The following SGCZ variants were observed in gnomAD, a reference collection of about 807,000 sequenced individuals.
The protein encoded by SGCZ is sarcoglycan zeta.
Under a neutral mutation model 41.3 loss-of-function variants are expected in SGCZ, and 40 were observed. The observed-to-expected ratio is 0.97, with a 90% CI of 0.75 to 1.26. The LOEUF (loss-of-function observed/expected upper bound fraction) is 1.26. SGCZ is among the 50% of genes most tolerant of loss of function. SGCZ has a pLI of 0.00. For missense variants in SGCZ, 552 were observed against 369.8 expected (o/e 1.49, Z -4.04); for synonymous variants, 206 against 137.5 (o/e 1.50, Z -3.49).
At chr8:15,194,440 C>G (rs192375089) in intron 1 of SGCZ, among the ~76,000 whole-genome samples, 1 of 152,090 alleles carries the variant, frequency 6.6e-6, no homozygotes, top group African/African-American at 2.4e-5. Flanking sequence ...GCCATGATGC[C>G]TATGTCTTAA....
chr8:14,484,637 C>T (rs1441730352), intron 2 of SGCZ, among the ~76,000 whole-genome samples: 1 of 152,000 alleles, frequency 6.6e-6, no homozygotes, highest in East Asian at 1.9e-4. Context: ...AAGAAATATA[C>T]ATTTTTTAGG....
intron 1 of SGCZ, among the ~76,000 whole-genome samples, chr8:15,150,738 T>C (rs1041896641): frequency 6.6e-6 from 1 of 152,238 alleles, no homozygotes; most frequent in African/African-American, 2.4e-5. Context: ...GGCATAACTA[T>C]ACTTCCTGCT....
chr8:14,618,778 A>T (rs1245864451), intron 1 of SGCZ, among the ~76,000 whole-genome samples: 1 of 152,188 alleles, frequency 6.6e-6, no homozygotes, highest in Admixed American at 6.6e-5. Flanking sequence ...TGAAATGAAC[A>T]GAGTATATGT....
intron 1 of SGCZ, among the ~76,000 whole-genome samples, chr8:15,202,002 A>G (rs1038616695): frequency 3.3e-5 from 5 of 152,206 alleles, no homozygotes; most frequent in Non-Finnish European, 7.3e-5. Flanking sequence ...TAAAAGAATT[A>G]GGGATGCTTT....
chr8:14,447,583 A>G (rs950216447), intron 2 of SGCZ, among the ~76,000 whole-genome samples: 6 of 152,086 alleles, frequency 3.9e-5, no homozygotes, highest in Admixed American at 6.6e-5. Context: ...CAACATTACA[A>G]CTCTTACGCT....
At chr8:14,372,244 CAG>C (rs1803939573) in intron 2 of SGCZ, among the ~76,000 whole-genome samples, 1 of 152,130 alleles carries the variant, frequency 6.6e-6, no homozygotes, top group Non-Finnish European at 1.5e-5. Flanking sequence ...ATTTGCGAAA[CAG>C]AAGTCTCTTA....
chr8:14,146,466 G>T (rs1268238839), intron 5 of SGCZ, among the ~76,000 whole-genome samples: 4 of 152,012 alleles, frequency 2.6e-5, no homozygotes, highest in Non-Finnish European at 4.4e-5. Context: ...CAAAGAAAAG[G>T]ACATTAATTA....
chr8:14,665,740 A>G (rs951397012), intron 1 of SGCZ, among the ~76,000 whole-genome samples: 3 of 152,184 alleles, frequency 2.0e-5, no homozygotes, highest in Admixed American at 6.5e-5. Context: ...AAGAAGATGC[A>G]TCTATATTTT....
intron 2 of SGCZ, among the ~76,000 whole-genome samples, chr8:14,420,835 G>T: frequency 6.6e-6 from 1 of 151,868 alleles, no homozygotes; most frequent in African/African-American, 2.4e-5. Flanking sequence ...AAAATATTTT[G>T]GTACTTCATT....
chr8:14,987,803 T>C (rs1801875402), intron 1 of SGCZ, among the ~76,000 whole-genome samples: 1 of 152,014 alleles, frequency 6.6e-6, no homozygotes, highest in Admixed American at 6.6e-5. Context: ...AGGTAATTAA[T>C]TTTTCAGGCA....
intron 4 of SGCZ, among the ~76,000 whole-genome samples, chr8:14,187,590 G>C (rs1804946646): frequency 6.6e-6 from 1 of 151,718 alleles, no homozygotes; most frequent in Non-Finnish European, 1.5e-5. Context: ...AATCACTAAA[G>C]TGTTCCACAG....
chr8:15,179,765 T>G (rs1800110247), intron 1 of SGCZ, among the ~76,000 whole-genome samples: 1 of 152,040 alleles, frequency 6.6e-6, no homozygotes, highest in African/African-American at 2.4e-5. Context: ...TAACAAGACA[T>G]TAGGAAATAG....
At chr8:15,112,577 T>C (rs1807109351) in intron 1 of SGCZ, among the ~76,000 whole-genome samples, 1 of 152,238 alleles carries the variant, frequency 6.6e-6, no homozygotes, top group Non-Finnish European at 1.5e-5. Flanking sequence ...TGTGTCCGTT[T>C]CTGGGCCCAG....
chr8:14,351,311 A>C lies in SGCZ; in HGVS notation c.235-27107T>G, dbSNP rs1416923826. Among the ~76,000 whole-genome samples the C allele has an allele frequency of 2.6e-5, 4 of 152,044 alleles. No individual in the cohort carries two copies. In the East Asian group the frequency reaches 7.7e-4, roughly 29 times the overall value. ...GTAAATTATTATTTTACTCCTTTGC[A>C]TTAACTGTTAGAAAATTAATGACAA... is the stretch of plus-strand genomic sequence containing the variant. On this transcript the variant is annotated intron_variant, in intron 2 of 7. Coordinates refer to ENST00000382080, the MANE Select transcript of SGCZ (RefSeq NM_139167.4).
At chr8:15,217,331 G>C (rs1801438138) in intron 1 of SGCZ, among the ~76,000 whole-genome samples, 1 of 151,102 alleles carries the variant, frequency 6.6e-6, no homozygotes, top group Admixed American at 6.6e-5. Flanking sequence ...GCAGGAGAAT[G>C]GCGTGAACCC....
rs1299864517 is a variant in SGCZ, at chr8:14,539,224, C to G, written c.234+15508G>C. ...CTGGGCCTCCCGCCAAATGGCCTAA[C>G]CTGAAGATTTGGGACTTTTCAGCCT... On this transcript the variant is annotated intron_variant, in intron 2 of 7. Coordinates refer to ENST00000382080, the MANE Select transcript of SGCZ (RefSeq NM_139167.4). 2.0e-5 allele frequency among the ~76,000 whole-genome samples: 3 copies of G among 151,954 alleles called. No individual in the cohort carries two copies. The East Asian group carries it at 5.8e-4, about 29-fold the overall frequency.
At chr8:15,042,013 A>G (rs1804116728) in intron 1 of SGCZ, among the ~76,000 whole-genome samples, 1 of 152,140 alleles carries the variant, frequency 6.6e-6, no homozygotes, top group Non-Finnish European at 1.5e-5. Flanking sequence ...TTTAGTATGT[A>G]TATTCTTTGG....
At chr8:14,982,576 T>C (rs987417315) in intron 1 of SGCZ, among the ~76,000 whole-genome samples, 4 of 152,180 alleles carry the variant, frequency 2.6e-5, no homozygotes, top group African/African-American at 9.7e-5. Flanking sequence ...TCCTCTCTCC[T>C]CATTTAAACA....
At chr8:14,977,030 C>T (rs991397525) in intron 1 of SGCZ, among the ~76,000 whole-genome samples, 2 of 152,212 alleles carry the variant, frequency 1.3e-5, no homozygotes, top group Admixed American at 6.5e-5. Flanking sequence ...ATCCTTGAGT[C>T]TACAAACACC....
Sources: allele counts gnomAD v4.1 joint callset (sites outside exome capture counted in the v4.1 genomes callset), GRCh38; gene constraint gnomAD v4.1.1; transcripts MANE v1.5; gene names NCBI Gene and HGNC (gene_info 2026-07-23, HGNC 2026-07-21).